The following LZTS1 variants were observed in gnomAD, a reference collection of about 807,000 sequenced individuals.
The protein encoded by LZTS1 is leucine zipper putative tumor suppressor 1.
A neutral mutation model predicts 45.8 loss-of-function variants in LZTS1; 31 were observed. The observed-to-expected ratio is 0.68, with a 90% confidence interval of 0.51 to 0.91. The LOEUF (loss-of-function observed/expected upper bound fraction) is 0.91. Among genes scored for constraint, LZTS1 ranks in the 40% least tolerant of loss-of-function variants. The pLI is 0.00. For missense variants in LZTS1, 821 were observed against 788.9 expected (o/e 1.04, Z -0.49); for synonymous variants, 359 against 357.3 (o/e 1.00, Z -0.05).
At chr8:20,276,545 C>T (rs1800587030) in intron 1 of LZTS1, among the ~76,000 whole-genome samples, 1 of 152,218 alleles carries the variant, frequency 6.6e-6, no homozygotes, top group African/African-American at 2.4e-5. Context: ...CCCACCTCTT[C>T]TCCCCTGCCT....
At position 20,250,342 on chromosome 8, in the gene LZTS1, T is replaced by A; in HGVS notation, c.1171A>T (p.Ile391Phe). The change falls in exon 4 of 4, where the codon ATC becomes TTC. Residue 391 changes from isoleucine (I) to phenylalanine (F), a missense_variant. Physicochemically the swap from Ile to Phe is conservative, Grantham distance 21. Coordinates refer to ENST00000381569, the MANE Select transcript of LZTS1 (RefSeq NM_021020.5). Reference protein sequence around the residue: ...QWEVCQKSGEISLLKQQLKES... With the variant: ...QWEVCQKSGEFSLLKQQLKES... ...TTCAGCTGCTGCTTCAGGAGGGAGA[T>A]CTCGCCTGACTTCTGGCACACCTGC... The A allele has an allele frequency of 6.2e-7, 1 of 1,605,880 alleles. No individual in the cohort carries two copies. Among genetic ancestry groups the A allele is most frequent in the Non-Finnish European group, 8.5e-7 (1 of 1,174,850 alleles).
intron 1 of LZTS1, among the ~76,000 whole-genome samples, chr8:20,273,787 T>C (rs1800522327): frequency 2.0e-5 from 3 of 152,108 alleles, no homozygotes; most frequent in African/African-American, 7.2e-5. Flanking sequence ...TGTTTTTTTT[T>C]TTCCTAGCTC....
intron 1 of LZTS1, among the ~76,000 whole-genome samples, chr8:20,285,491 T>C (rs896756291): frequency 1.3e-5 from 2 of 152,200 alleles, no homozygotes; most frequent in African/African-American, 4.8e-5. Context: ...ATTTACAAAA[T>C]GTGTATGCTT....
At chr8:20,278,825 T>G (rs1800632903) in intron 1 of LZTS1, among the ~76,000 whole-genome samples, 1 of 152,220 alleles carries the variant, frequency 6.6e-6, no homozygotes, top group Non-Finnish European at 1.5e-5. Flanking sequence ...AACACAGACT[T>G]GACAGCTTCA....
intron 1 of LZTS1, among the ~76,000 whole-genome samples, chr8:20,285,072 G>A (rs911730883): frequency 1.3e-5 from 2 of 152,228 alleles, no homozygotes; most frequent in African/African-American, 2.4e-5. Context: ...GGCACACAGT[G>A]AGGATCAATG....
rs1335149532 is a variant in LZTS1, at chr8:20,268,066, A to G, written c.-134-12751T>C. ...ATGGGATGCACTGAAACCAAAGTGC[A>G]TGTGAAATTATAGAGCAGTATGGAA... On this transcript the variant is annotated intron_variant, in intron 1 of 3. Coordinates refer to ENST00000381569, the MANE Select transcript of LZTS1 (RefSeq NM_021020.5). 2.6e-5 allele frequency among the ~76,000 whole-genome samples: 4 copies of G among 152,354 alleles called. No homozygotes were observed. In the South Asian group the frequency reaches 8.3e-4, roughly 32 times the overall value.
chr8:20,283,934 G>C (rs1336794336), intron 1 of LZTS1, among the ~76,000 whole-genome samples: 1 of 152,274 alleles, frequency 6.6e-6, no homozygotes, highest in African/African-American at 2.4e-5. Context: ...AGCAAATCAG[G>C]CTTCCACCAG....
Position 20,255,108 on chromosome 8 carries a change from A to G in LZTS1, c.74T>C (p.Leu25Pro). 6.2e-7 allele frequency: 1 copy of G among 1,614,220 alleles called. No homozygotes were observed. The highest frequency in any genetic ancestry group is 8.5e-7 in the Non-Finnish European group (1 of 1,180,046). The change falls in exon 2 of 4, where the codon CTG (leucine) becomes CCG (proline). Residue 25 changes from leucine to proline, a missense_variant. Leu to Pro is a moderately conservative substitution (Grantham distance 98). Transcript: ENST00000381569. ...SKHCRASQYK[L>P]RKSSHLKKLN... Reference sequence around the variant, plus strand: ...CTTCTTGAGGTGGGAGGACTTGCGCAGCTTGTACTGCGAAGCCCGGCAGTG... The same window carrying G: ...CTTCTTGAGGTGGGAGGACTTGCGCGGCTTGTACTGCGAAGCCCGGCAGTG...
intron 1 of LZTS1, among the ~76,000 whole-genome samples, chr8:20,259,891 T>A (rs1250643572): frequency 6.6e-6 from 1 of 152,178 alleles, no homozygotes. Context: ...AATCTTATTA[T>A]TTTTTATTTA....
intron 2 of LZTS1, among the ~76,000 whole-genome samples, chr8:20,254,254 C>G (rs1257775510): frequency 6.6e-6 from 1 of 152,190 alleles, no homozygotes; most frequent in African/African-American, 2.4e-5. Context: ...AGGGCTTGAG[C>G]TGGTGTGAGG....
At chr8:20,260,788 A>G (rs1800212375) in intron 1 of LZTS1, among the ~76,000 whole-genome samples, 1 of 152,136 alleles carries the variant, frequency 6.6e-6, no homozygotes, top group South Asian at 2.1e-4. Flanking sequence ...GTGACTGAAG[A>G]ATGGCCACCT....
chr8:20,255,278 A>G lies in LZTS1; in HGVS notation c.-97T>C. 6.8e-7 allele frequency: 1 copy of G among 1,475,826 alleles called. No homozygotes were observed. The highest frequency in any genetic ancestry group is 8.9e-7 in the Non-Finnish European group (1 of 1,119,504). 91.4% of individuals were successfully genotyped at this position (1,475,826 alleles called of 1,614,324 possible). ...GTGGCTCCGTGAGGGGACTGAGGTC[A>G]TAGCAAAGCCCTCACAGAGCCTGCG... is the stretch of plus-strand genomic sequence containing the variant. On this transcript the variant is annotated 5_prime_UTR_variant, in exon 2 of 4. It removes an upstream start codon present in the reference 5' UTR. Transcript: ENST00000381569.
chr8:20,292,078 C>T (rs1025677181), intron 1 of LZTS1, among the ~76,000 whole-genome samples: 1 of 152,234 alleles, frequency 6.6e-6, no homozygotes, highest in African/African-American at 2.4e-5. Flanking sequence ...GACACTGCTA[C>T]AGCTTTGTCC....
Position 20,250,049 on chromosome 8 carries a change from C to T in LZTS1, c.1464G>A (p.Met488Ile). Residue 488 changes from methionine to isoleucine, a missense_variant, in exon 4 of 4, where the codon ATG (methionine) becomes ATA (isoleucine). Physicochemically the swap from Met to Ile is conservative, Grantham distance 10. Coordinates refer to ENST00000381569, the MANE Select transcript of LZTS1 (RefSeq NM_021020.5). The stretch of plus-strand genomic sequence containing the variant: ...CGTCCTCGGGGAAGGTGGGCGGCCC[C>T]ATGTCGCGGGCCAGGGCGGCCTGGG... ...LRAQAALARD[M>I]GPPTFPEDVP... 3 of 1,608,824 alleles carry T rather than the reference C, an allele frequency of 1.9e-6. No homozygotes were observed. In the South Asian group the frequency reaches 3.3e-5, roughly 18 times the overall value.
At chr8:20,262,144 C>G (rs992118309) in intron 1 of LZTS1, among the ~76,000 whole-genome samples, 6 of 152,204 alleles carry the variant, frequency 3.9e-5, no homozygotes, top group African/African-American at 7.2e-5. Flanking sequence ...CACAACGATG[C>G]AAAGTGTTGT....
Position 20,255,298 on chromosome 8 carries a change from C to A in LZTS1, c.-117G>T, listed in dbSNP as rs1367715057. 2.1e-6 allele frequency: 3 copies of A among 1,447,734 alleles called. No homozygotes were observed. The African/African-American group carries it at 4.3e-5, about 21-fold the overall frequency. The allele number at this position is 1,447,734 out of a possible 1,614,324, so 89.7% of individuals were successfully genotyped here. On this transcript the variant is annotated 5_prime_UTR_variant, in exon 2 of 4. Transcript: ENST00000381569. ...AGGTCATAGCAAAGCCCTCACAGAG[C>A]CTGCGAGAGCCGTAGACCTGGAAGA...
chr8:20,263,689 T>C (rs1188308153), intron 1 of LZTS1, among the ~76,000 whole-genome samples: 1 of 151,780 alleles, frequency 6.6e-6, no homozygotes, highest in African/African-American at 2.4e-5. Context: ...GCCGCTCCAA[T>C]CCCCAAGAGG....
intron 1 of LZTS1, among the ~76,000 whole-genome samples, chr8:20,261,430 T>G (rs1009755172): frequency 6.6e-6 from 1 of 151,996 alleles, no homozygotes; most frequent in Non-Finnish European, 1.5e-5. Flanking sequence ...CTAGCCCACC[T>G]GCACTGTGGA....
intron 1 of LZTS1, among the ~76,000 whole-genome samples, chr8:20,279,800 A>T (rs982275167): frequency 1.3e-5 from 2 of 151,632 alleles, no homozygotes; most frequent in Non-Finnish European, 2.9e-5. Context: ...CAGCATGGGA[A>T]ACATGGTGAG....
Sources: gnomAD v4.1 joint callset for allele counts (sites outside exome capture counted in the v4.1 genomes callset) on GRCh38, gnomAD v4.1.1 for gene constraint, MANE v1.5 for transcripts, NCBI Gene and HGNC (gene_info 2026-07-23, HGNC 2026-07-21) for gene names.